Variants in PI4K2A observed in about 807,000 individuals in gnomAD.
PI4K2A encodes the protein phosphatidylinositol 4-kinase type 2-alpha.
PI4K2A carries 20 observed loss-of-function variants against 55.0 expected under a neutral mutation model. The ratio of observed to expected loss-of-function variants is 0.36; its 90% CI spans 0.26 to 0.53. The LOEUF (loss-of-function observed/expected upper bound fraction) is 0.53. Ranked by LOEUF, PI4K2A falls within the 20% of genes least tolerant of loss-of-function variation. The pLI, the probability that PI4K2A is intolerant of heterozygous loss-of-function variation, is 0.91. For synonymous variants in PI4K2A, 235 were observed against 258.5 expected (o/e 0.91, Z 0.87); for missense variants, 463 against 637.1 (o/e 0.73, Z 2.94).
chr10:97,642,818 CCT>C (rs2041478134), intron 1 of PI4K2A, among the ~76,000 whole-genome samples: 1 of 5,420 alleles, frequency 1.8e-4, no homozygotes, highest in East Asian at 0.011. Flanking sequence ...TTCCTTCCTT[CCT>C]TCCTTCCTTC....
chr10:97,663,950 C>T (rs1351834444), intron 5 of PI4K2A, among the ~76,000 whole-genome samples: 1 of 152,096 alleles, frequency 6.6e-6, no homozygotes, highest in Non-Finnish European at 1.5e-5. Flanking sequence ...TCACCTCAGC[C>T]TCCTGAGTAG....
At chr10:97,670,469 C>G (rs1188198163) in intron 8 of PI4K2A, among the ~76,000 whole-genome samples, 1 of 152,110 alleles carries the variant, frequency 6.6e-6, no homozygotes. Flanking sequence ...TGAATAATAT[C>G]TATTTAATTT....
intron 6 of PI4K2A, 30 bp downstream of exon 6, chr10:97,665,014 C>G: frequency 7.6e-7 from 1 of 1,321,052 alleles, no homozygotes; most frequent in Non-Finnish European, 1.1e-6. Context: ...TGGTCTGGCT[C>G]TTCCCTTGCT....
chr10:97,673,078 C>T (rs1169249077), intron 8 of PI4K2A, among the ~76,000 whole-genome samples: 1 of 152,036 alleles, frequency 6.6e-6, no homozygotes, highest in African/African-American at 2.4e-5. Context: ...CCTCCGCCTC[C>T]CGGGTTCGAG....
chr10:97,673,061 A>T lies in PI4K2A; in HGVS notation c.1279-520A>T, dbSNP rs1175984923. Among the ~76,000 whole-genome samples, 4 of 150,724 alleles carry T rather than the reference A, an allele frequency of 2.7e-5. No homozygotes were observed. In the East Asian group the frequency reaches 5.8e-4, roughly 22 times the overall value. Reference sequence around the variant, plus strand: ...GAGTGCAGTGGCACGATCTCGGCTCACTGCAACCTCCGCCTCCCGGGTTCG... The same window carrying T: ...GAGTGCAGTGGCACGATCTCGGCTCTCTGCAACCTCCGCCTCCCGGGTTCG... On this transcript the variant is annotated intron_variant, in intron 8 of 8. Coordinates refer to ENST00000370631, the Ensembl canonical transcript of PI4K2A.
chr10:97,661,137 G>A (rs1190699477), intron 4 of PI4K2A, among the ~76,000 whole-genome samples: 3 of 151,794 alleles, frequency 2.0e-5, no homozygotes, highest in African/African-American at 4.8e-5. Flanking sequence ...GACTACAGGC[G>A]CCCGCCACCA....
rs183818373 is a variant in PI4K2A, at chr10:97,648,312, G to A, written c.436-2629G>A. Among the ~76,000 whole-genome samples the A allele has an allele frequency of 1.2e-4, 18 of 151,930 alleles. No individual in the cohort carries two copies. In the East Asian group the frequency reaches 2.9e-3, roughly 25 times the overall value. On this transcript the variant is annotated intron_variant, in intron 1 of 8. Transcript: ENST00000370631. ...TCTCCATGTTGGTCAGGCTGGTCTCGAACTCCTGACCTCAGGTGATCCACC... is the reference window on the plus strand; with the variant it reads ...TCTCCATGTTGGTCAGGCTGGTCTCAAACTCCTGACCTCAGGTGATCCACC...
intron 4 of PI4K2A, among the ~76,000 whole-genome samples, chr10:97,660,099 T>C (rs886112208): frequency 5.2e-4 from 78 of 151,002 alleles, no homozygotes; most frequent in African/African-American, 1.8e-3. Context: ...CCTCCCGGGT[T>C]CACGCCATTC....
intron 8 of PI4K2A, among the ~76,000 whole-genome samples, chr10:97,672,725 CTTTTTTTT>C (rs146627600): frequency 1.2e-5 from 1 of 83,978 alleles, no homozygotes; most frequent in South Asian, 3.5e-4. Context: ...AGGGTCTGTT[CTTTTTTTT>C]TTTTTTTTTT....
chr10:97,663,633 C>T (rs1439432065), intron 5 of PI4K2A, among the ~76,000 whole-genome samples: 4 of 150,754 alleles, frequency 2.7e-5, no homozygotes, highest in East Asian at 1.9e-4. Flanking sequence ...CCAGCCTGGC[C>T]GACATGGTGA....
At chr10:97,673,023 G>C (rs1487473551) in intron 8 of PI4K2A, among the ~76,000 whole-genome samples, 1 of 149,456 alleles carries the variant, frequency 6.7e-6, no homozygotes, top group Admixed American at 6.7e-5. Flanking sequence ...CTCTCACTCT[G>C]TTACCCAGGC....
intron 2 of PI4K2A, 49 bp downstream of exon 2, chr10:97,651,190 TG>T (rs2041528630): frequency 2.1e-6 from 3 of 1,450,720 alleles, no homozygotes; most frequent in Non-Finnish European, 1.9e-6. Context: ...ACAGTTTTCC[TG>T]GGGCCTAAGC....
At chr10:97,664,915 G>T (rs1024268005) in exon 6 of PI4K2A, 18 of 1,613,998 alleles carry the variant, frequency 1.1e-5, no homozygotes, top group Non-Finnish European at 1.4e-5. Flanking sequence ...GAAGGAGCCT[G>T]TTATCAAGGT....
At chr10:97,666,599 A>G in intron 7 of PI4K2A, 28 bp downstream of exon 7, 1 of 1,567,078 alleles carries the variant, frequency 6.4e-7, no homozygotes, top group Admixed American at 2.0e-5. Context: ...CAGCCCTATT[A>G]TCATATGGGA....
intron 2 of PI4K2A, among the ~76,000 whole-genome samples, chr10:97,653,596 T>C (rs529760608): frequency 1.1e-3 from 175 of 152,312 alleles, no homozygotes; most frequent in African/African-American, 3.9e-3. Flanking sequence ...TGAGGATCTT[T>C]TGCATCAGAA....
chr10:97,640,722 C>T, exon 1 of PI4K2A: 1 of 1,459,124 alleles, frequency 6.9e-7, no homozygotes, highest in Non-Finnish European at 9.1e-7. Context: ...GCGCCGGGTC[C>T]CGGAGCCGGC....
intron 4 of PI4K2A, 99 bp downstream of exon 4, chr10:97,657,073 C>A: frequency 8.7e-7 from 1 of 1,151,588 alleles, no homozygotes; most frequent in Non-Finnish European, 1.3e-6. Context: ...GTACCTTGTC[C>A]AGACACATCA....
chr10:97,673,072 C>T (rs773039092), intron 8 of PI4K2A, among the ~76,000 whole-genome samples: 5 of 151,874 alleles, frequency 3.3e-5, no homozygotes, highest in South Asian at 2.1e-4. Context: ...CTGCAACCTC[C>T]GCCTCCCGGG....
rs61760983 is a variant in PI4K2A, at chr10:97,662,967, G to A, written c.983G>A (p.Arg328Gln). ...TGTCCAATGGATAGTTCTAGCTCTC[G>A]GGTAAGAGACTGAGATAAATCTTAA... is the stretch of plus-strand genomic sequence containing the variant. Residue 328 changes from arginine (R) to glutamine (Q), a missense_variant and splice_region_variant, in exon 5 of 9, where the codon CGG (arginine) becomes CAG (glutamine). By Grantham distance (43) the Arg-to-Gln change is conservative. Transcript: ENST00000370631. 9,589 of 1,580,838 alleles carry A rather than the reference G, an allele frequency of 6.1e-3. 55 individuals carry two copies. Among genetic ancestry groups the A allele is most frequent in the South Asian group, 0.016 (1,467 of 90,346 alleles).
Sources: allele counts gnomAD v4.1 joint callset (sites outside exome capture counted in the v4.1 genomes callset), GRCh38; gene constraint gnomAD v4.1.1; transcripts MANE v1.5; gene names NCBI Gene and HGNC (gene_info 2026-07-23, HGNC 2026-07-21).